The following SNX30 variants were observed in gnomAD, a reference collection of about 807,000 sequenced individuals.
SNX30 encodes the protein sorting nexin family member 30, also known as sorting nexin-30.
A neutral mutation model predicts 46.4 loss-of-function variants in SNX30; 24 were observed. That is an observed-to-expected ratio of 0.52 (90% CI 0.37 to 0.73). SNX30 has a LOEUF of 0.73. Ranked by LOEUF, SNX30 falls within the 30% of genes least tolerant of loss-of-function variation. The pLI is 0.00. For missense variants in SNX30, 533 were observed against 555.7 expected, an observed-to-expected ratio of 0.96 and a Z score of 0.41; for synonymous variants, 189 against 211.5, an observed-to-expected ratio of 0.89 and a Z score of 0.92.
chr9:112,815,512 C>G (rs889819462), intron 2 of SNX30, among the ~76,000 whole-genome samples: 1 of 152,034 alleles, frequency 6.6e-6, no homozygotes, highest in African/African-American at 2.4e-5. Flanking sequence ...AGGCACCCAC[C>G]ACCACAACTG....
intron 2 of SNX30, 31 bp from the exon 3 acceptor site, chr9:112,817,674 T>G (rs759977768): frequency 7.7e-7 from 1 of 1,297,762 alleles, no homozygotes; most frequent in South Asian, 1.2e-5. Flanking sequence ...TATTCCCTTA[T>G]GCTTATTTTT....
chr9:112,855,331 G>A (rs1293548290), intron 7 of SNX30, among the ~76,000 whole-genome samples: 2 of 152,176 alleles, frequency 1.3e-5, no homozygotes, highest in Admixed American at 6.5e-5. Flanking sequence ...TCAGGGGACT[G>A]TCTCAGGAGT....
chr9:112,865,510 C>T (rs946349256), intron 8 of SNX30, among the ~76,000 whole-genome samples: 5 of 151,054 alleles, frequency 3.3e-5, no homozygotes, highest in East Asian at 2.0e-4. Context: ...TCCAGCTACT[C>T]GGGAGGCTGT....
Position 112,827,249 on chromosome 9 carries a change from T to A in SNX30, c.460-3476T>A, listed in dbSNP as rs114146264. 6.5e-3 allele frequency among the ~76,000 whole-genome samples: 989 copies of A among 152,334 alleles called. 14 individuals are homozygous for A. The highest frequency in any genetic ancestry group is 0.023 in the African/African-American group (938 of 41,578). On this transcript the variant is annotated intron_variant, in intron 3 of 8. Coordinates refer to ENST00000374232, the MANE Select transcript of SNX30 (RefSeq NM_001012994.2). Reference sequence around the variant, plus strand: ...GTGTGTGTTTACCCTGTGGTAGGAATCATTCAAAGCACTTTCAGCATATTA... The same window carrying A: ...GTGTGTGTTTACCCTGTGGTAGGAAACATTCAAAGCACTTTCAGCATATTA...
intron 3 of SNX30, among the ~76,000 whole-genome samples, chr9:112,824,752 A>G (rs1334780808): frequency 1.3e-5 from 2 of 152,134 alleles, no homozygotes; most frequent in Non-Finnish European, 2.9e-5. Flanking sequence ...AGCCAGCAGC[A>G]TATCTGTCAT....
chr9:112,804,692 A>G (rs1025281616), intron 1 of SNX30, 84 bp from the exon 2 acceptor site: 2 of 1,245,678 alleles, frequency 1.6e-6, no homozygotes, highest in African/African-American at 3.0e-5. Context: ...AGAAATGTTT[A>G]TTGGTTTGGC....
rs146921734 is a variant in SNX30, at chr9:112,761,197, C to T, written c.156+10040C>T. 3.5e-3 allele frequency among the ~76,000 whole-genome samples: 533 copies of T among 152,344 alleles called. 4 individuals are homozygous for T. Among genetic ancestry groups the T allele is most frequent in the African/African-American group, 0.013 (522 of 41,570 alleles). On this transcript the variant is annotated intron_variant, in intron 1 of 8. Coordinates refer to ENST00000374232, the MANE Select transcript of SNX30 (RefSeq NM_001012994.2). Reference sequence around the variant, plus strand: ...TTTGTTTTTGAGACGGAGTCTCGCTCTGTCATCCAGGCTGGAGTGCAGTGG... The same window carrying T: ...TTTGTTTTTGAGACGGAGTCTCGCTTTGTCATCCAGGCTGGAGTGCAGTGG...
chr9:112,839,544 C>T (rs1840821585), intron 6 of SNX30, among the ~76,000 whole-genome samples: 1 of 152,156 alleles, frequency 6.6e-6, no homozygotes, highest in Admixed American at 6.5e-5. Flanking sequence ...AGGAAATGCG[C>T]CAGTGCCCAC....
intron 1 of SNX30, among the ~76,000 whole-genome samples, chr9:112,781,997 G>T (rs985654749): frequency 6.6e-6 from 1 of 152,092 alleles, no homozygotes; most frequent in Non-Finnish European, 1.5e-5. Flanking sequence ...GAAATAAAAA[G>T]AATTATATTC....
chr9:112,780,807 T>C (rs907439704), intron 1 of SNX30, among the ~76,000 whole-genome samples: 5 of 152,224 alleles, frequency 3.3e-5, no homozygotes, highest in African/African-American at 1.2e-4. Context: ...TAGTCACCAC[T>C]GACAGAGGAA....
intron 3 of SNX30, among the ~76,000 whole-genome samples, chr9:112,829,463 G>A (rs757539212): frequency 9.9e-5 from 15 of 152,086 alleles, no homozygotes; most frequent in Non-Finnish European, 2.1e-4. Flanking sequence ...AATATTTTTG[G>A]TAGAGACGTG....
chr9:112,865,661 A>ATATATGTG lies in SNX30; in HGVS notation c.1254+1263_1254+1264insATATGTGT. On this transcript the variant is annotated intron_variant, in intron 8 of 8. Transcript: ENST00000374232. The stretch of plus-strand genomic sequence containing the variant: ...TATATATATATATATATATATATAT[A>ATATATGTG]TGTATGTATGTATGCACACACACAC... Among the ~76,000 whole-genome samples the ATATATGTG allele has an allele frequency of 7.2e-4, 76 of 105,678 alleles. 2 individuals carry two copies. The highest frequency in any genetic ancestry group is 1.4e-3 in the South Asian group (4 of 2,914). The allele number at this position is 105,678 out of a possible 152,430, so 69.3% of individuals were successfully genotyped here.
At chr9:112,828,909 C>T (rs534026221) in intron 3 of SNX30, among the ~76,000 whole-genome samples, 2 of 152,206 alleles carry the variant, frequency 1.3e-5, no homozygotes, top group South Asian at 2.1e-4. Flanking sequence ...GCAGTCACAT[C>T]TCATTTCCCC....
chr9:112,766,646 A>G (rs886485525), intron 1 of SNX30, among the ~76,000 whole-genome samples: 12 of 152,150 alleles, frequency 7.9e-5, no homozygotes, highest in African/African-American at 1.2e-4. Context: ...CTAGGTCACT[A>G]CCTTTCCACT....
At chr9:112,755,602 G>A (rs1202425542) in intron 1 of SNX30, among the ~76,000 whole-genome samples, 1 of 151,786 alleles carries the variant, frequency 6.6e-6, no homozygotes, top group Non-Finnish European at 1.5e-5. Context: ...ACTACCTTGA[G>A]CATTCCCCTG....
At chr9:112,795,352 G>T (rs1387092897) in intron 1 of SNX30, among the ~76,000 whole-genome samples, 1 of 152,180 alleles carries the variant, frequency 6.6e-6, no homozygotes, top group Non-Finnish European at 1.5e-5. Flanking sequence ...AGTAATTAGT[G>T]GTACTGGGAT....
At chr9:112,805,846 T>TA (rs1300723279) in intron 2 of SNX30, among the ~76,000 whole-genome samples, 1 of 152,228 alleles carries the variant, frequency 6.6e-6, no homozygotes, top group Non-Finnish European at 1.5e-5. Flanking sequence ...AAAGTTCAAA[T>TA]AACTCGCTCA....
At chr9:112,776,660 A>G (rs192913957) in intron 1 of SNX30, among the ~76,000 whole-genome samples, 20 of 152,244 alleles carry the variant, frequency 1.3e-4, no homozygotes, top group African/African-American at 3.9e-4. Context: ...ACATGTATGT[A>G]TAGGCAGTGC....
chr9:112,790,583 G>C (rs1227378866), intron 1 of SNX30, among the ~76,000 whole-genome samples: 2 of 152,234 alleles, frequency 1.3e-5, no homozygotes, highest in Non-Finnish European at 1.5e-5. Flanking sequence ...GCTGGAGCAA[G>C]TCACGTGTCC....
Sources: allele counts gnomAD v4.1 joint callset (sites outside exome capture counted in the v4.1 genomes callset), GRCh38; gene constraint gnomAD v4.1.1; transcripts MANE v1.5; gene names NCBI Gene and HGNC (gene_info 2026-07-23, HGNC 2026-07-21).